The following FAM240B variants were observed in gnomAD, a reference collection of about 807,000 sequenced individuals.
FAM240B encodes protein FAM240B.
chr9:38,695,935 T>C (rs546057533), intron 2 of FAM240B, among the ~76,000 whole-genome samples: 3 of 152,344 alleles, frequency 2.0e-5, no homozygotes, highest in Admixed American at 6.5e-5. Flanking sequence ...GGCTACTCAA[T>C]GGAGGATGGA....
chr9:38,707,235 G>C (rs146499710), intron 1 of FAM240B, among the ~76,000 whole-genome samples: 180 of 152,242 alleles, frequency 1.2e-3, no homozygotes, highest in African/African-American at 3.7e-3. Context: ...TCTCAAAATT[G>C]ATAATGAACA....
intron 1 of FAM240B, among the ~76,000 whole-genome samples, chr9:38,719,058 C>A (rs1296343212): frequency 6.6e-6 from 1 of 152,038 alleles, no homozygotes; most frequent in African/African-American, 2.4e-5. Context: ...AAAAAATCAT[C>A]AGCCTCAAGT....
chr9:38,698,140 C>T (rs1410966947), intron 2 of FAM240B, among the ~76,000 whole-genome samples: 1 of 151,866 alleles, frequency 6.6e-6, no homozygotes, highest in Non-Finnish European at 1.5e-5. Flanking sequence ...CCCTTGGTCT[C>T]GACTTAAAAA....
At chr9:38,717,171 C>T (rs1463064003) in intron 1 of FAM240B, among the ~76,000 whole-genome samples, 3 of 152,330 alleles carry the variant, frequency 2.0e-5, no homozygotes, top group South Asian at 4.1e-4. Context: ...TCTTAGGCTG[C>T]TTCTCCCTTT....
At chr9:38,706,752 C>G (rs913751243) in intron 1 of FAM240B, among the ~76,000 whole-genome samples, 1 of 152,224 alleles carries the variant, frequency 6.6e-6, no homozygotes, top group African/African-American at 2.4e-5. Context: ...AGCACACGCT[C>G]CTGTCTTTCA....
At chr9:38,696,032 T>C (rs933661246) in intron 2 of FAM240B, among the ~76,000 whole-genome samples, 4 of 152,198 alleles carry the variant, frequency 2.6e-5, no homozygotes, top group Non-Finnish European at 5.9e-5. Context: ...AACGTGTGTG[T>C]TTCCCCTCAA....
chr9:38,699,549 G>C (rs1417502765), intron 2 of FAM240B, among the ~76,000 whole-genome samples: 1 of 152,190 alleles, frequency 6.6e-6, no homozygotes, highest in Non-Finnish European at 1.5e-5. Context: ...CTGGGCTGGT[G>C]GGGAGTCCCT....
chr9:38,713,626 C>G (rs1431404694), intron 1 of FAM240B, among the ~76,000 whole-genome samples: 3 of 151,882 alleles, frequency 2.0e-5, no homozygotes, highest in Non-Finnish European at 4.4e-5. Context: ...TTATGGAGTT[C>G]CCAAAGTTGA....
intron 2 of FAM240B, among the ~76,000 whole-genome samples, chr9:38,696,865 A>T (rs938879164): frequency 6.6e-6 from 1 of 152,194 alleles, no homozygotes; most frequent in Non-Finnish European, 1.5e-5. Context: ...TTCTACTTTG[A>T]TATCCACAGA....
chr9:38,712,314 T>C (rs998734299), intron 1 of FAM240B, among the ~76,000 whole-genome samples: 10 of 152,202 alleles, frequency 6.6e-5, no homozygotes, highest in Non-Finnish European at 1.5e-4. Flanking sequence ...CATATGACCA[T>C]TATGAAGCTT....
chr9:38,719,132 A>G (rs1404428942), intron 1 of FAM240B, among the ~76,000 whole-genome samples: 2 of 152,008 alleles, frequency 1.3e-5, no homozygotes, highest in Non-Finnish European at 2.9e-5. Context: ...TTCACCTTCA[A>G]ATGAGGGTAT....
At chr9:38,709,553 G>C (rs62567675) in intron 1 of FAM240B, among the ~76,000 whole-genome samples, 8,390 of 152,226 alleles carry the variant, frequency 0.055, 320 homozygotes, top group Non-Finnish European at 0.086. Flanking sequence ...GCATATGGTG[G>C]TGCCCCCGTC....
chr9:38,719,470 G>T (rs1821347459), intron 1 of FAM240B, among the ~76,000 whole-genome samples: 1 of 152,136 alleles, frequency 6.6e-6, no homozygotes, highest in Non-Finnish European at 1.5e-5. Context: ...TTGACTTTGT[G>T]TGAGGCTCAT....
At chr9:38,716,276 A>G (rs1166677496) in intron 1 of FAM240B, among the ~76,000 whole-genome samples, 1 of 152,190 alleles carries the variant, frequency 6.6e-6, no homozygotes, top group Non-Finnish European at 1.5e-5. Flanking sequence ...GTTCGAGACC[A>G]GCCTGGCCAA....
intron 1 of FAM240B, 141 bp from the exon 2 acceptor site, chr9:38,704,143 A>G: frequency 2.6e-6 from 1 of 391,138 alleles, no homozygotes; most frequent in Non-Finnish European, 4.5e-6. Flanking sequence ...TAGACACATC[A>G]CACACTTGTA....
intron 1 of FAM240B, among the ~76,000 whole-genome samples, chr9:38,711,330 C>T (rs889275718): frequency 1.3e-5 from 2 of 152,218 alleles, no homozygotes; most frequent in African/African-American, 4.8e-5. Flanking sequence ...CTCACTGTCA[C>T]TCCATTTCCA....
Position 38,709,207 on chromosome 9 carries a change from T to C in FAM240B, c.-3-5205A>G, listed in dbSNP as rs977227726. On this transcript the variant is annotated intron_variant, in intron 1 of 2. Coordinates refer to ENST00000637493, the MANE Select transcript of FAM240B (RefSeq NM_001394922.1). Reference sequence around the variant, plus strand: ...TTTTGCTGAAAACTGCTGGTGAATCTGAACTTCAGCAGGTGCAAGAACTTC... The same window carrying C: ...TTTTGCTGAAAACTGCTGGTGAATCCGAACTTCAGCAGGTGCAAGAACTTC... Among the ~76,000 whole-genome samples the C allele has an allele frequency of 2.0e-5, 3 of 152,324 alleles. No individual in the cohort carries two copies. The South Asian group carries it at 6.2e-4, about 32-fold the overall frequency.
intron 1 of FAM240B, among the ~76,000 whole-genome samples, chr9:38,717,527 C>T (rs1428251901): frequency 6.6e-6 from 1 of 152,234 alleles, no homozygotes. Flanking sequence ...GTTGCCCAGG[C>T]TGGAGTGCAG....
intron 1 of FAM240B, among the ~76,000 whole-genome samples, chr9:38,718,302 CA>C (rs1316861819): frequency 2.0e-5 from 3 of 152,198 alleles, no homozygotes; most frequent in Non-Finnish European, 4.4e-5. Context: ...AATTGCAGGT[CA>C]AAGTCCAGGT....
Sources: allele counts gnomAD v4.1 joint callset (sites outside exome capture counted in the v4.1 genomes callset), GRCh38; gene constraint gnomAD v4.1.1; transcripts MANE v1.5; gene names NCBI Gene and HGNC (gene_info 2026-07-23, HGNC 2026-07-21).